Variants in AGBL1 observed in about 807,000 individuals in gnomAD.
AGBL1 encodes the protein cytosolic carboxypeptidase 4.
Under a neutral mutation model 118.9 loss-of-function variants are expected in AGBL1, and 130 were observed. That is an observed-to-expected ratio of 1.09 (90% CI 0.95 to 1.26). AGBL1 has a LOEUF of 1.26. Among genes scored for constraint, AGBL1 ranks in the 50% most tolerant of loss-of-function variants. The pLI is 0.00. For synonymous variants in AGBL1, 555 were observed against 478.9 expected (o/e 1.16, Z -2.08); for missense variants, 1,584 against 1,298.1 (o/e 1.22, Z -3.38).
chr15:86,217,159 G>A lies in AGBL1; in HGVS notation c.489-7755G>A, dbSNP rs72752171. On this transcript the variant is annotated intron_variant, in intron 5 of 22. Coordinates refer to ENST00000614907, the MANE Select transcript of AGBL1 (RefSeq NM_001386094.1). ...ACATCTAAGAATACTAATTTAGTGGGCTTTTCAAAAATACTTTTGTCTATT... is the reference window on the plus strand; with the variant it reads ...ACATCTAAGAATACTAATTTAGTGGACTTTTCAAAAATACTTTTGTCTATT... 5.0e-3 allele frequency among the ~76,000 whole-genome samples: 757 copies of A among 152,098 alleles called. 3 individuals are homozygous for A. Among genetic ancestry groups the A allele is most frequent in the Non-Finnish European group, 7.6e-3 (518 of 68,004 alleles).
At chr15:86,276,747 G>C (rs1214172394) in intron 15 of AGBL1, among the ~76,000 whole-genome samples, 1 of 152,118 alleles carries the variant, frequency 6.6e-6, no homozygotes, top group Non-Finnish European at 1.5e-5. Context: ...TACAAAGCAA[G>C]AACATGGGAA....
chr15:86,361,898 A>C (rs1263988483), intron 17 of AGBL1, among the ~76,000 whole-genome samples: 1 of 152,150 alleles, frequency 6.6e-6, no homozygotes, highest in Non-Finnish European at 1.5e-5. Flanking sequence ...AAATTCATTC[A>C]GCCATTCTAT....
At chr15:86,332,222 C>G (rs966492794) in intron 17 of AGBL1, among the ~76,000 whole-genome samples, 1 of 152,162 alleles carries the variant, frequency 6.6e-6, no homozygotes, top group African/African-American at 2.4e-5. Context: ...ATCTTAAATA[C>G]TCAACATTGG....
intron 21 of AGBL1, among the ~76,000 whole-genome samples, chr15:86,642,223 G>A (rs1387683790): frequency 1.3e-5 from 2 of 152,118 alleles, no homozygotes; most frequent in Non-Finnish European, 2.9e-5. Context: ...ATAATCAGAA[G>A]GGTTGAAGAA....
Position 86,827,938 on chromosome 15 carries a change from CTT to C in AGBL1, c.3159-79130_3159-79129del, listed in dbSNP as rs71144074. 7.8e-4 allele frequency among the ~76,000 whole-genome samples: 13 copies of C among 16,756 alleles called. 1 individual carries two copies. Among genetic ancestry groups the C allele is most frequent in the East Asian group, 2.8e-3 (1 of 352 alleles). The allele number at this position is 16,756 out of a possible 152,430, so 11.0% of individuals were successfully genotyped here. A position where few individuals can be genotyped will look rare whatever the true frequency, so the allele number is the denominator to read the frequency against. On this transcript the variant is annotated intron_variant, in intron 22 of 22. Coordinates refer to ENST00000614907, the MANE Select transcript of AGBL1 (RefSeq NM_001386094.1). ...ATAGTCTCTGGCACTTGATGTAGGGCTTTTTTTTTTTTTTTTTTTTGAGACAG... is the reference window on the plus strand; with the variant it reads ...ATAGTCTCTGGCACTTGATGTAGGGCTTTTTTTTTTTTTTTTTTGAGACAG...
chr15:86,832,023 G>T (rs555232753), intron 22 of AGBL1, among the ~76,000 whole-genome samples: 1 of 152,282 alleles, frequency 6.6e-6, no homozygotes, highest in East Asian at 1.9e-4. Context: ...AGCTGCCAAG[G>T]CTTGGGGCTT....
chr15:86,705,860 A>T, intron 22 of AGBL1, among the ~76,000 whole-genome samples: 1 of 152,068 alleles, frequency 6.6e-6, no homozygotes, highest in East Asian at 1.9e-4. Context: ...ATCTAGTTTG[A>T]TTTTCATTTT....
chr15:86,365,026 T>TAC (rs1402351918), intron 17 of AGBL1, among the ~76,000 whole-genome samples: 1 of 133,146 alleles, frequency 7.5e-6, no homozygotes, highest in African/African-American at 3.1e-5. Flanking sequence ...CATATATATA[T>TAC]ACACACACAT....
At chr15:86,517,942 C>A (rs567002037) in intron 18 of AGBL1, among the ~76,000 whole-genome samples, 1 of 152,170 alleles carries the variant, frequency 6.6e-6, no homozygotes, top group Admixed American at 6.5e-5. Flanking sequence ...CTCCTGCACC[C>A]TTCCTGCCTT....
At chr15:86,289,564 T>C (rs191550309) in intron 16 of AGBL1, among the ~76,000 whole-genome samples, 211 of 152,238 alleles carry the variant, frequency 1.4e-3, no homozygotes, top group African/African-American at 4.9e-3. Context: ...CATAAAGAGG[T>C]TAAATAAAAA....
chr15:86,554,502 A>G lies in AGBL1; in HGVS notation c.2959A>G (p.Ser987Gly). ...GGTGTCCAGAAGCTACACCATGGAA[A>G]GCAGCTACTGTGGCTGCAACCAGGG... The part of the protein sequence containing the change: ...MGVSRSYTME[S>G]SYCGCNQGPY... Residue 987 changes from serine (S) to glycine (G), a missense_variant, in exon 21 of 23, where the codon AGC becomes GGC. By Grantham distance (56) the Ser-to-Gly change is moderately conservative. Coordinates refer to ENST00000614907, the MANE Select transcript of AGBL1 (RefSeq NM_001386094.1). 6.4e-7 allele frequency: 1 copy of G among 1,568,910 alleles called. No individual in the cohort carries two copies. Among genetic ancestry groups the G allele is most frequent in the Non-Finnish European group, 8.6e-7 (1 of 1,159,458 alleles).
intron 17 of AGBL1, among the ~76,000 whole-genome samples, chr15:86,308,910 C>T (rs1389806513): frequency 6.6e-6 from 1 of 152,038 alleles, no homozygotes; most frequent in Non-Finnish European, 1.5e-5. Context: ...TATTTGGGAT[C>T]TTTGGTGGTT....
chr15:86,366,253 T>G (rs1463763889), intron 17 of AGBL1, among the ~76,000 whole-genome samples: 1 of 152,170 alleles, frequency 6.6e-6, no homozygotes, highest in African/African-American at 2.4e-5. Context: ...AAAACTGACC[T>G]TTTAAGTTAA....
intron 5 of AGBL1, among the ~76,000 whole-genome samples, chr15:86,215,215 ATATGTATGCGTGTGTGTG>A (rs1209876226): frequency 1.6e-5 from 2 of 123,012 alleles, no homozygotes; most frequent in African/African-American, 6.0e-5. Context: ...GTGTGAGTGT[ATATGTATGCGTGTGTGTG>A]TGTGTGTGTG....
At chr15:86,823,724 T>C (rs949611236) in intron 22 of AGBL1, among the ~76,000 whole-genome samples, 4 of 152,120 alleles carry the variant, frequency 2.6e-5, no homozygotes, top group Non-Finnish European at 5.9e-5. Context: ...TTTATTAACA[T>C]AGGAGAAATC....
At chr15:86,814,888 T>C (rs1311647598) in intron 22 of AGBL1, among the ~76,000 whole-genome samples, 2 of 152,226 alleles carry the variant, frequency 1.3e-5, no homozygotes, top group Non-Finnish European at 2.9e-5. Context: ...GGAAATTGCC[T>C]GACGAAATGC....
In AGBL1 at chr15:86,165,835, C is replaced by T. The variant is rs865944006; in HGVS notation, c.488+6809C>T. ...GCCTCACAAGCGCTGATATTGGGGG[C>T]GTGCACCATGAGCTCAAGTTACTAG... is the stretch of plus-strand genomic sequence containing the variant. On this transcript the variant is annotated intron_variant, in intron 5 of 22. Coordinates refer to ENST00000614907, the MANE Select transcript of AGBL1 (RefSeq NM_001386094.1). Among the ~76,000 whole-genome samples the T allele has an allele frequency of 1.6e-4, 25 of 152,244 alleles. No homozygotes were observed. The South Asian group carries it at 1.7e-3, about 10-fold the overall frequency.
At chr15:87,006,790 G>T (rs918653303) in intron 24 of AGBL1, among the ~76,000 whole-genome samples, 1 of 152,162 alleles carries the variant, frequency 6.6e-6, no homozygotes. Context: ...GCTGTAGACT[G>T]GAGCTGTTGC....
intron 22 of AGBL1, among the ~76,000 whole-genome samples, chr15:86,861,500 G>C (rs1303916472): frequency 6.6e-6 from 1 of 152,152 alleles, no homozygotes; most frequent in African/African-American, 2.4e-5. Context: ...CGACTACAGG[G>C]AGCTAGAATA....
Sources: allele counts gnomAD v4.1 joint callset (sites outside exome capture counted in the v4.1 genomes callset), GRCh38; gene constraint gnomAD v4.1.1; transcripts MANE v1.5; gene names NCBI Gene and HGNC (gene_info 2026-07-23, HGNC 2026-07-21).